The following LY96 variants were observed in gnomAD, a reference collection of about 807,000 sequenced individuals.
LY96 encodes lymphocyte antigen 96.
LY96 carries 18 observed loss-of-function variants against 18.9 expected under a neutral mutation model. That is an observed-to-expected ratio of 0.95 (90% CI 0.66 to 1.41). The LOEUF is 1.41. LY96 is among the 40% of genes most tolerant of loss of function. The pLI, the probability that LY96 is intolerant of heterozygous loss-of-function variation, is 0.00. For synonymous variants in LY96, 66 were observed against 62.6 expected, an observed-to-expected ratio of 1.06 and a Z score of -0.26; for missense variants, 175 against 182.4, an observed-to-expected ratio of 0.96 and a Z score of 0.23.
the LY96 span, among the ~76,000 whole-genome samples, chr8:74,066,835 A>T: frequency 1.3e-5 from 2 of 152,248 alleles, no homozygotes; most frequent in Non-Finnish European, 2.9e-5. Flanking sequence ...CCAAATATTT[A>T]TCCAAAGATT....
the LY96 span, among the ~76,000 whole-genome samples, chr8:74,062,450 G>A: frequency 7.4e-5 from 11 of 149,474 alleles, no homozygotes; most frequent in South Asian, 2.1e-4. Flanking sequence ...CTGTGTCCAC[G>A]TGTTCTCAAT....
At chr8:74,099,245 G>T in the LY96 span, among the ~76,000 whole-genome samples, 1 of 152,130 alleles carries the variant, frequency 6.6e-6, no homozygotes, top group African/African-American at 2.4e-5. Flanking sequence ...GAATAACCTT[G>T]AAAACGGTCC....
chr8:74,082,643 G>A, the LY96 span, among the ~76,000 whole-genome samples: 8 of 152,226 alleles, frequency 5.3e-5, no homozygotes, highest in Non-Finnish European at 1.2e-4. Flanking sequence ...CAAGCAAAAG[G>A]CATACACATT....
chr8:74,086,340 G>C, the LY96 span, among the ~76,000 whole-genome samples: 1 of 152,144 alleles, frequency 6.6e-6, no homozygotes. Flanking sequence ...GAGGATTCTG[G>C]TGCCTGGCAA....
the LY96 span, among the ~76,000 whole-genome samples, chr8:74,058,406 C>A: frequency 6.6e-6 from 1 of 152,038 alleles, no homozygotes. Flanking sequence ...CACTGCAAAA[C>A]CTTTATGGAG....
chr8:74,050,707 GT>G, the LY96 span, among the ~76,000 whole-genome samples: 12 of 152,064 alleles, frequency 7.9e-5, no homozygotes, highest in African/African-American at 2.7e-4. Context: ...CACCAATCCT[GT>G]TAGCAATGCT....
chr8:74,081,260 CCTT>C, the LY96 span, among the ~76,000 whole-genome samples: 1 of 143,436 alleles, frequency 7.0e-6, no homozygotes, highest in Non-Finnish European at 1.5e-5. Context: ...CTTTCTTTCT[CCTT>C]CTTTTTTTTT....
At chr8:74,026,940 CT>C (rs1171259241) in intron 4 of LY96, 99 bp downstream of exon 4, 52,544 of 453,834 alleles carry the variant, frequency 0.12, no homozygotes, top group South Asian at 0.18. Context: ...CTTTTTCTTT[CT>C]TTTTTTTTTT....
chr8:74,073,097 A>G, the LY96 span, among the ~76,000 whole-genome samples: 1 of 152,226 alleles, frequency 6.6e-6, no homozygotes, highest in Non-Finnish European at 1.5e-5. Context: ...CTCTGCAAGC[A>G]TGAGCTAAAC....
At chr8:74,097,973 T>A in the LY96 span, among the ~76,000 whole-genome samples, 1 of 152,198 alleles carries the variant, frequency 6.6e-6, no homozygotes, top group Admixed American at 6.5e-5. Flanking sequence ...AAGTACTACA[T>A]AATGTTGGTT....
At chr8:74,017,037 G>T (rs1359498171) in intron 3 of LY96, among the ~76,000 whole-genome samples, 1 of 152,198 alleles carries the variant, frequency 6.6e-6, no homozygotes, top group Non-Finnish European at 1.5e-5. Flanking sequence ...GAACAAAGCT[G>T]GATGGAGAAT....
the LY96 span, among the ~76,000 whole-genome samples, chr8:74,037,341 A>C: frequency 1.3e-5 from 2 of 152,178 alleles, no homozygotes; most frequent in Non-Finnish European, 1.5e-5. Flanking sequence ...AGTCTAAAAA[A>C]ATAAGAGCCT....
At chr8:74,021,374 C>G (rs1215104146) in intron 3 of LY96, among the ~76,000 whole-genome samples, 1 of 152,148 alleles carries the variant, frequency 6.6e-6, no homozygotes, top group African/African-American at 2.4e-5. Context: ...CAATGAGATA[C>G]CATCTCACAC....
the LY96 span, among the ~76,000 whole-genome samples, chr8:74,065,397 T>C: frequency 6.6e-5 from 10 of 152,360 alleles, no homozygotes; most frequent in Non-Finnish European, 1.0e-4. Context: ...TCAGCTATAT[T>C]TGCATTGTAT....
intron 3 of LY96, among the ~76,000 whole-genome samples, chr8:74,022,047 G>A (rs1173178414): frequency 1.3e-5 from 2 of 151,692 alleles, no homozygotes; most frequent in Non-Finnish European, 2.9e-5. Context: ...TTGTGCACAT[G>A]TACCCTAGAA....
chr8:74,054,689 G>A, the LY96 span, among the ~76,000 whole-genome samples: 2 of 92,150 alleles, frequency 2.2e-5, no homozygotes, highest in Admixed American at 1.2e-4. Flanking sequence ...TTTGAGATGG[G>A]GTTTCACTCT....
chr8:74,012,876 G>A (rs1166331093), intron 3 of LY96, among the ~76,000 whole-genome samples: 1 of 151,334 alleles, frequency 6.6e-6, no homozygotes, highest in Non-Finnish European at 1.5e-5. Context: ...ATAACATATA[G>A]TTCTATTAGC....
At chr8:74,048,710 G>A in the LY96 span, 2 of 151,870 alleles carry the variant, frequency 1.3e-5, no homozygotes, top group Non-Finnish European at 2.9e-5. Context: ...GCTAAAATTG[G>A]AACCATACAG....
chr8:73,994,718 C>G (rs1433148451), intron 1 of LY96, among the ~76,000 whole-genome samples: 3 of 152,190 alleles, frequency 2.0e-5, no homozygotes, highest in Non-Finnish European at 4.4e-5. Flanking sequence ...AACTCCTGGT[C>G]TCAAGCAATC....
Sources: allele counts gnomAD v4.1 joint callset (sites outside exome capture counted in the v4.1 genomes callset), GRCh38; gene constraint gnomAD v4.1.1; transcripts MANE v1.5; gene names NCBI Gene and HGNC (gene_info 2026-07-23, HGNC 2026-07-21).